Variants in FOXP1 observed in about 807,000 individuals in gnomAD.
The protein encoded by FOXP1 is forkhead box P1.
FOXP1 carries 15 observed loss-of-function variants against 98.2 expected under a neutral mutation model. The ratio of observed to expected loss-of-function variants is 0.15; its 90% CI spans 0.10 to 0.24. The LOEUF (loss-of-function observed/expected upper bound fraction) is 0.24, where lower values mean the gene tolerates loss of function less well. Ranked by LOEUF, FOXP1 falls within the 10% of genes least tolerant of loss-of-function variation. The pLI is 1.00. For synonymous variants in FOXP1, 371 were observed against 314.5 expected (o/e 1.18, Z -1.90); for missense variants, 633 against 848.5 (o/e 0.75, Z 3.15).
At chr3:71,557,099 G>A (rs2046198459) in intron 2 of FOXP1, among the ~76,000 whole-genome samples, 1 of 152,096 alleles carries the variant, frequency 6.6e-6, no homozygotes, top group Non-Finnish European at 1.5e-5. Flanking sequence ...AAATTAGATT[G>A]AAATACACAA....
intron 3 of FOXP1, among the ~76,000 whole-genome samples, chr3:71,394,321 T>C (rs535683484): frequency 3.9e-5 from 6 of 152,338 alleles, no homozygotes; most frequent in South Asian, 2.1e-4. Flanking sequence ...AATTCAGCTA[T>C]TGGACAAAAA....
intron 14 of FOXP1, among the ~76,000 whole-genome samples, chr3:70,982,571 T>C (rs1451140144): frequency 6.6e-6 from 1 of 152,246 alleles, no homozygotes; most frequent in Non-Finnish European, 1.5e-5. Flanking sequence ...TAAATTCTTA[T>C]GTCATTTAAA....
At chr3:70,973,421 C>G (rs1364835297) in intron 17 of FOXP1, among the ~76,000 whole-genome samples, 2 of 152,206 alleles carry the variant, frequency 1.3e-5, no homozygotes, top group Non-Finnish European at 2.9e-5. Flanking sequence ...TTTCTGCAGA[C>G]ATATCTTGCT....
chr3:71,405,846 A>G (rs1187987845), intron 3 of FOXP1, among the ~76,000 whole-genome samples: 1 of 151,840 alleles, frequency 6.6e-6, no homozygotes, highest in Admixed American at 6.6e-5. Flanking sequence ...CTCTTGCCTC[A>G]GCCTCCCAAG....
chr3:71,303,357 TG>T (rs1459126983), intron 4 of FOXP1, among the ~76,000 whole-genome samples: 3 of 152,164 alleles, frequency 2.0e-5, no homozygotes, highest in Non-Finnish European at 4.4e-5. Context: ...TGGGTGGTGA[TG>T]GGGGGCAGTT....
At chr3:71,347,424 C>T (rs2077433971) in intron 4 of FOXP1, among the ~76,000 whole-genome samples, 1 of 152,160 alleles carries the variant, frequency 6.6e-6, no homozygotes, top group Admixed American at 6.5e-5. Flanking sequence ...AAACTTCTGC[C>T]TCTACCATCA....
At chr3:71,479,431 T>A (rs2090100566) in intron 3 of FOXP1, among the ~76,000 whole-genome samples, 1 of 151,968 alleles carries the variant, frequency 6.6e-6, no homozygotes, top group Non-Finnish European at 1.5e-5. Context: ...ATAAAATATA[T>A]CTCTATGACT....
intron 17 of FOXP1, among the ~76,000 whole-genome samples, chr3:70,975,119 C>CT (rs575349375): frequency 6.6e-6 from 1 of 152,184 alleles, no homozygotes; most frequent in African/African-American, 2.4e-5. Context: ...ATTAATGACA[C>CT]TTTTTCCTGC....
intron 6 of FOXP1, among the ~76,000 whole-genome samples, chr3:71,139,092 A>T (rs567451403): frequency 1.3e-5 from 2 of 152,232 alleles, no homozygotes; most frequent in South Asian, 4.1e-4. Flanking sequence ...TCTACAGGAA[A>T]TTTTCTTTTA....
chr3:71,000,520 T>A (rs1384362673), intron 13 of FOXP1, among the ~76,000 whole-genome samples: 4 of 152,096 alleles, frequency 2.6e-5, no homozygotes, highest in Non-Finnish European at 5.9e-5. Flanking sequence ...GCTCTTTCTC[T>A]CTTCATTCAC....
chr3:71,406,962 A>C (rs1037701547), intron 3 of FOXP1, among the ~76,000 whole-genome samples: 2 of 151,746 alleles, frequency 1.3e-5, no homozygotes, highest in African/African-American at 2.4e-5. Flanking sequence ...ATGGAGGGAA[A>C]GAAAGAAAGG....
chr3:71,040,669 A>C (rs1224887181), intron 11 of FOXP1, among the ~76,000 whole-genome samples: 1 of 152,206 alleles, frequency 6.6e-6, no homozygotes, highest in Admixed American at 6.5e-5. Flanking sequence ...CTTAACTTCT[A>C]AATAGGAATA....
At chr3:71,406,731 A>C (rs987862963) in intron 3 of FOXP1, among the ~76,000 whole-genome samples, 2 of 152,060 alleles carry the variant, frequency 1.3e-5, no homozygotes, top group Admixed American at 1.3e-4. Context: ...TAGGATGTAG[A>C]GCTCTTTGGG....
intron 7 of FOXP1, among the ~76,000 whole-genome samples, chr3:71,063,192 C>T (rs2051789927): frequency 6.6e-6 from 1 of 152,224 alleles, no homozygotes; most frequent in Non-Finnish European, 1.5e-5. Flanking sequence ...TTTTTACACA[C>T]TTTTCACTGA....
chr3:71,498,539 G>C (rs2041078821), intron 2 of FOXP1, among the ~76,000 whole-genome samples: 2 of 152,268 alleles, frequency 1.3e-5, no homozygotes, highest in South Asian at 4.1e-4. Flanking sequence ...TGGCCTCCAT[G>C]GCCTAAATGT....
intron 6 of FOXP1, among the ~76,000 whole-genome samples, chr3:71,173,652 A>C (rs2061766762): frequency 6.6e-6 from 1 of 152,212 alleles, no homozygotes; most frequent in African/African-American, 2.4e-5. Context: ...GTTCATGAAG[A>C]CTATGAATAT....
chr3:71,148,174 C>T (rs1459565420), intron 6 of FOXP1, among the ~76,000 whole-genome samples: 11 of 152,136 alleles, frequency 7.2e-5, no homozygotes, highest in South Asian at 2.1e-4. Context: ...GTCAGGAGTT[C>T]GAGACCAGCC....
chr3:71,217,435 A>C (rs565402734), intron 5 of FOXP1, among the ~76,000 whole-genome samples: 61 of 152,222 alleles, frequency 4.0e-4, no homozygotes, highest in Middle Eastern at 3.4e-3. Flanking sequence ...CTTGTTCAGA[A>C]GTAAATTTAT....
chr3:71,349,590 C>T (rs1403185664), intron 4 of FOXP1, among the ~76,000 whole-genome samples: 1 of 152,006 alleles, frequency 6.6e-6, no homozygotes, highest in Non-Finnish European at 1.5e-5. Flanking sequence ...TTTGCTAAAT[C>T]TCACCATCTT....
Sources: gnomAD v4.1 joint callset for allele counts (sites outside exome capture counted in the v4.1 genomes callset) on GRCh38, gnomAD v4.1.1 for gene constraint, MANE v1.5 for transcripts, NCBI Gene and HGNC (gene_info 2026-07-23, HGNC 2026-07-21) for gene names.